Variants in MED25 observed in about 807,000 individuals in gnomAD.
MED25 encodes mediator complex subunit 25.
In MED25, 62 loss-of-function variants were observed where a neutral mutation model predicts 89.4. That is an observed-to-expected ratio of 0.69 (90% CI 0.57 to 0.86). The LOEUF (loss-of-function observed/expected upper bound fraction) is 0.86. MED25 is among the 40% of genes least tolerant of loss of function. MED25 has a pLI of 0.00. For missense variants in MED25, 905 were observed against 1,005.2 expected (o/e 0.90, Z 1.35); for synonymous variants, 449 against 427.9 (o/e 1.05, Z -0.61).
chr19:49,835,383 T>C lies in MED25; in HGVS notation c.1675-151T>C, dbSNP rs2074088058. ...CTGACACAGCTTCCTCCTGGAGACC[T>C]TGGAGTGTACGGCATCCCTCCCAGA... is the stretch of plus-strand genomic sequence containing the variant. On this transcript the variant is annotated intron_variant, in intron 14 of 17. Coordinates refer to ENST00000312865, the MANE Select transcript of MED25 (RefSeq NM_030973.4). This position sits in a 1 kb window ranked among gnomAD's most constrained non-coding sequence, Gnocchi z 6.2. 3 of 946,820 alleles carry C rather than the reference T, an allele frequency of 3.2e-6. No individual in the cohort carries two copies. The highest frequency in any genetic ancestry group is 4.8e-6 in the Non-Finnish European group (3 of 620,670). 58.7% of individuals were successfully genotyped at this position (946,820 alleles called of 1,614,324 possible). A position where few individuals can be genotyped will look rare whatever the true frequency, so the allele number is the denominator to read the frequency against.
chr19:49,827,830 G>A (rs1049862833), intron 3 of MED25, among the ~76,000 whole-genome samples: 1 of 152,174 alleles, frequency 6.6e-6, no homozygotes, highest in Non-Finnish European at 1.5e-5. Context: ...GGGGACAGCA[G>A]GAGGCTGGGC....
Position 49,824,640 on chromosome 19 carries a change from A to G in MED25, c.306-3809A>G, listed in dbSNP as rs536671278. ...GGAAAATAGACCCAGTGTGTTTCCC[A>G]TAACATTATGACAACTCAGTTGTTC... On this transcript the variant is annotated intron_variant, in intron 3 of 17. Transcript: ENST00000312865. Among the ~76,000 whole-genome samples the G allele has an allele frequency of 5.3e-5, 8 of 152,036 alleles. No individual in the cohort carries two copies. The East Asian group carries it at 1.2e-3, about 22-fold the overall frequency.
At chr19:49,828,397 C>A in intron 3 of MED25, 52 bp from the exon 4 acceptor site, 1 of 1,243,256 alleles carries the variant, frequency 8.0e-7, no homozygotes, top group Non-Finnish European at 1.2e-6. Context: ...CAAGCATAGC[C>A]TGGGGATGGG....
intron 3 of MED25, among the ~76,000 whole-genome samples, chr19:49,827,110 G>A (rs2074020852): frequency 6.6e-6 from 1 of 152,116 alleles, no homozygotes; most frequent in Non-Finnish European, 1.5e-5. Context: ...ACACTTCAGG[G>A]GGACAGGGCC....
chr19:49,822,286 CA>C (rs988029431), intron 3 of MED25, among the ~76,000 whole-genome samples: 1 of 135,122 alleles, frequency 7.4e-6, no homozygotes, highest in Admixed American at 7.6e-5. Context: ...AAAAAAAAAC[CA>C]TACAAAAATT....
At chr19:49,819,111 T>G in intron 2 of MED25, 61 bp from the exon 3 acceptor site, 1 of 1,605,820 alleles carries the variant, frequency 6.2e-7, no homozygotes, top group South Asian at 1.1e-5. Flanking sequence ...CCCTGATTCC[T>G]TCTCTAAGGG....
rs2074099590 is a variant in MED25 at position 49,836,512 on chromosome 19, A to G, written c.2146+106A>G. The G allele has an allele frequency of 1.5e-6, 2 of 1,375,734 alleles. No homozygotes were observed. The highest frequency in any genetic ancestry group is 1.4e-5 in the African/African-American group (1 of 69,582). 85.2% of individuals were successfully genotyped at this position (1,375,734 alleles called of 1,614,324 possible). ...CCTGGGAAGTAAAGACATAGGATCC[A>G]AGAATGAGGGTTCCCCCATGGCCTT... On this transcript the variant is annotated intron_variant, in intron 17 of 17. Coordinates refer to ENST00000312865, the MANE Select transcript of MED25 (RefSeq NM_030973.4). The surrounding 1 kb of genome is among the most constrained non-coding windows in gnomAD (Gnocchi z 5.1).
Position 49,829,766 on chromosome 19 carries a change from G to T in MED25, c.526-20G>T. 2 of 1,572,120 alleles carry T rather than the reference G, an allele frequency of 1.3e-6. No individual in the cohort carries two copies. The highest frequency in any genetic ancestry group is 1.4e-5 in the African/African-American group (1 of 73,976). On this transcript the variant is annotated intron_variant, in intron 5 of 17. Coordinates refer to ENST00000312865, the MANE Select transcript of MED25 (RefSeq NM_030973.4). The surrounding 1 kb of genome is among the most constrained non-coding windows in gnomAD (Gnocchi z 4.6). Reference sequence around the variant, plus strand: ...CTTATGGAGGGGGCCCGTCATGACTGCTCGGCCCCTCTCCTACAGCGGGGG... The same window carrying T: ...CTTATGGAGGGGGCCCGTCATGACTTCTCGGCCCCTCTCCTACAGCGGGGG...
At chr19:49,824,366 G>C (rs2074001586) in intron 3 of MED25, among the ~76,000 whole-genome samples, 1 of 152,096 alleles carries the variant, frequency 6.6e-6, no homozygotes, top group South Asian at 2.1e-4. Context: ...TGGCACCCAC[G>C]GGGCTTCAGG....
downstream of MED25, among the ~76,000 whole-genome samples, chr19:49,837,751 C>T (rs1357885991): frequency 6.6e-6 from 1 of 152,064 alleles, no homozygotes; most frequent in Non-Finnish European, 1.5e-5. Flanking sequence ...TGACAGGTGC[C>T]ATGTTGGGAG....
rs1401425112 is a variant in MED25, at chr19:49,835,554, C to T, written c.1695C>T (p.Pro565=). Residue 565 remains proline (P), a synonymous_variant, in exon 15 of 18, where the codon CCC becomes CCT. Coordinates refer to ENST00000312865, the MANE Select transcript of MED25 (RefSeq NM_030973.4). The surrounding 1 kb of genome is among the most constrained non-coding windows in gnomAD (Gnocchi z 6.2). ...QQRGMGGQQA[P]PGLGPILEDQ... Reference sequence around the variant, plus strand: ...TGCAGATGGGGGGACAGCAGGCACCCCCAGGGCTGGGGCCCATTCTGGAGG... The same window carrying T: ...TGCAGATGGGGGGACAGCAGGCACCTCCAGGGCTGGGGCCCATTCTGGAGG... 6.4e-7 allele frequency: 1 copy of T among 1,565,538 alleles called. No individual in the cohort carries two copies. The highest frequency in any genetic ancestry group is 2.4e-5 in the East Asian group (1 of 42,196).
At position 49,829,668 on chromosome 19, in the gene MED25, G is replaced by A. The variant is rs765829474; in HGVS notation, c.526-118G>A. ...GGTCTCCTGCCTCAAAGCCCAATGG[G>A]AATTGTGGTTGTAGGGCTGGTGCCG... On this transcript the variant is annotated intron_variant, in intron 5 of 17. Transcript: ENST00000312865. This position sits in a 1 kb window ranked among gnomAD's most constrained non-coding sequence, Gnocchi z 4.6. 1.4e-5 allele frequency: 15 copies of A among 1,102,782 alleles called. No individual in the cohort carries two copies. The highest frequency in any genetic ancestry group is 2.0e-5 in the Non-Finnish European group (15 of 762,286). The allele number at this position is 1,102,782 out of a possible 1,614,324, so 68.3% of individuals were successfully genotyped here.
At chr19:49,827,954 G>T (rs114890530) in intron 3 of MED25, among the ~76,000 whole-genome samples, 301 of 152,258 alleles carry the variant, frequency 2.0e-3, no homozygotes, top group African/African-American at 6.8e-3. Flanking sequence ...TGTCGGCCGG[G>T]TGTGGTGGCT....
At chr19:49,826,667 G>A (rs1010915317) in intron 3 of MED25, among the ~76,000 whole-genome samples, 5 of 152,204 alleles carry the variant, frequency 3.3e-5, no homozygotes, top group African/African-American at 9.7e-5. Context: ...CTGCAGTATC[G>A]GGTGATCTAT....
At chr19:49,824,822 G>A (rs897960725) in intron 3 of MED25, among the ~76,000 whole-genome samples, 1 of 152,100 alleles carries the variant, frequency 6.6e-6, no homozygotes, top group Non-Finnish European at 1.5e-5. Context: ...GGTCATGGCC[G>A]GATGCTGTTA....
chr19:49,831,708 G>C lies in MED25; in HGVS notation c.1231-228G>C, dbSNP rs1054633228. Among the ~76,000 whole-genome samples the C allele has an allele frequency of 6.6e-6, 1 of 152,146 alleles. No individual in the cohort carries two copies. Among genetic ancestry groups the C allele is most frequent in the Non-Finnish European group, 1.5e-5 (1 of 68,014 alleles). ...GATTTGGGGCCCAGAGAAGAGCCCAGGCGATGTATCATCTGGGGCACAGTG... is the reference window on the plus strand; with the variant it reads ...GATTTGGGGCCCAGAGAAGAGCCCACGCGATGTATCATCTGGGGCACAGTG... On this transcript the variant is annotated intron_variant, in intron 10 of 17. Transcript: ENST00000312865. This position sits in a 1 kb window ranked among gnomAD's most constrained non-coding sequence, Gnocchi z 5.0.
chr19:49,834,430 T>G lies in MED25; in HGVS notation c.1483-556T>G, dbSNP rs2074080893. ...GTTACCCCCCTGATGACCAGTGATG[T>G]TTCCTGGGTGCTTCCTGTGGGCTGA... On this transcript the variant is annotated intron_variant, in intron 13 of 17. Transcript: ENST00000312865. This position sits in a 1 kb window ranked among gnomAD's most constrained non-coding sequence, Gnocchi z 4.1. 1 of 172,208 alleles carries G rather than the reference T, an allele frequency of 5.8e-6. No homozygotes were observed. Among genetic ancestry groups the G allele is most frequent in the Non-Finnish European group, 1.3e-5 (1 of 78,018 alleles). The allele number at this position is 172,208 out of a possible 1,614,324, so 10.7% of individuals were successfully genotyped here.
intron 13 of MED25, chr19:49,833,983 G>C (rs1482427589): frequency 6.6e-6 from 1 of 152,310 alleles, no homozygotes; most frequent in African/African-American, 2.4e-5. Flanking sequence ...TCAGGGACAG[G>C]GCCCTGTGGT....
rs760140749 is a variant in MED25 at position 49,835,786 on chromosome 19, G to A, written c.1806G>A (p.Thr602=). ...GTACCGTAGGGGCCTCTGGGGCCAC[G>A]GGGCAGCCCCAGCCCCAAGGTACTG... ...PQGTVGASGA[T]GQPQPQGTAQ... Residue 602 remains threonine (T), a synonymous_variant, in exon 16 of 18, where the codon ACG becomes ACA. Coordinates refer to ENST00000312865, the MANE Select transcript of MED25 (RefSeq NM_030973.4). This position sits in a 1 kb window ranked among gnomAD's most constrained non-coding sequence, Gnocchi z 6.2. 16 of 1,606,778 alleles carry A rather than the reference G, an allele frequency of 1.0e-5. No individual in the cohort carries two copies. The highest frequency in any genetic ancestry group is 4.5e-5 in the East Asian group (2 of 44,760).
Sources: gnomAD v4.1 joint callset for allele counts (sites outside exome capture counted in the v4.1 genomes callset) on GRCh38, gnomAD v4.1.1 for gene constraint, Gnocchi (gnomAD v3.1) non-coding constraint, MANE v1.5 for transcripts, NCBI Gene and HGNC (gene_info 2026-07-23, HGNC 2026-07-21) for gene names.